GOLM1: variants seen among roughly 807,000 people sequenced by gnomAD.
GOLM1 encodes golgi membrane protein 1.
A neutral mutation model predicts 50.5 loss-of-function variants in GOLM1; 31 were observed. The ratio of observed to expected loss-of-function variants is 0.61; its 90% CI spans 0.46 to 0.83. The LOEUF is 0.83. Among genes scored for constraint, GOLM1 ranks in the 40% least tolerant of loss-of-function variants. GOLM1 has a pLI of 0.00. For missense variants in GOLM1, 491 were observed against 501.3 expected, an observed-to-expected ratio of 0.98 and a Z score of 0.20; for synonymous variants, 178 against 192.8, an observed-to-expected ratio of 0.92 and a Z score of 0.64.
rs747202057 is a variant in GOLM1 at position 86,035,352 on chromosome 9, G to A, written c.1015+16C>T. The A allele has an allele frequency of 8.7e-6, 14 of 1,610,572 alleles. No individual in the cohort carries two copies. The Admixed American group carries it at 1.0e-4, about 12-fold the overall frequency. ...TGGAAGGGAGTCCACAGCGGCCCCC[G>A]AAACTTCACACCCACCTTCCCCGGC... On this transcript the variant is annotated intron_variant, in intron 8 of 9. Coordinates refer to ENST00000388712, the MANE Select transcript of GOLM1 (RefSeq NM_016548.4).
At chr9:86,063,768 C>T (rs151208025) in intron 3 of GOLM1, among the ~76,000 whole-genome samples, 498 of 152,316 alleles carry the variant, frequency 3.3e-3, no homozygotes, top group African/African-American at 0.011. Context: ...CCAAAGCCTC[C>T]GTTACGCCTT....
At chr9:86,044,260 C>T (rs1026708001) in intron 5 of GOLM1, among the ~76,000 whole-genome samples, 2 of 152,218 alleles carry the variant, frequency 1.3e-5, no homozygotes, top group Admixed American at 6.5e-5. Context: ...GAATAAGATT[C>T]CACACACAAG....
At chr9:86,056,501 TA>T (rs530650572) in intron 3 of GOLM1, among the ~76,000 whole-genome samples, 1 of 83,730 alleles carries the variant, frequency 1.2e-5, no homozygotes, top group Admixed American at 9.7e-5. Flanking sequence ...ATTTTTTATT[TA>T]AATTTTTTTT....
intron 1 of GOLM1, among the ~76,000 whole-genome samples, chr9:86,088,467 A>C (rs1472173130): frequency 8.7e-6 from 1 of 115,422 alleles, no homozygotes; most frequent in African/African-American, 4.1e-5. Flanking sequence ...TTTAGGATAG[A>C]TAGGTCTTCT....
intron 7 of GOLM1, 72 bp downstream of exon 7, chr9:86,036,276 G>C: frequency 6.6e-7 from 1 of 1,508,912 alleles, no homozygotes; most frequent in South Asian, 1.1e-5. Flanking sequence ...TGCCTCAGCA[G>C]CTCGCTGGGA....
chr9:86,085,307 G>A (rs10780745), intron 1 of GOLM1, among the ~76,000 whole-genome samples: 108,542 of 151,968 alleles, frequency 0.71, 39,403 homozygotes, highest in East Asian at 0.84. Context: ...TTTTTGCCCA[G>A]TTTTAAACTG....
chr9:86,064,891 G>T (rs1834263766), intron 3 of GOLM1, among the ~76,000 whole-genome samples: 1 of 152,184 alleles, frequency 6.6e-6, no homozygotes, highest in Non-Finnish European at 1.5e-5. Context: ...AACCACAAAG[G>T]CTCGGAAGCT....
intron 3 of GOLM1, among the ~76,000 whole-genome samples, chr9:86,070,935 A>C (rs1466426660): frequency 6.6e-6 from 1 of 152,234 alleles, no homozygotes; most frequent in Non-Finnish European, 1.5e-5. Flanking sequence ...GCAACAGCTA[A>C]TAAAAATGAG....
intron 8 of GOLM1, among the ~76,000 whole-genome samples, chr9:86,033,972 T>A (rs893756758): frequency 3.3e-5 from 5 of 151,556 alleles, no homozygotes; most frequent in African/African-American, 1.2e-4. Context: ...AATCTTTTTT[T>A]TTTTTTTTTT....
intron 4 of GOLM1, among the ~76,000 whole-genome samples, chr9:86,048,657 G>C (rs1833637014): frequency 6.6e-6 from 1 of 152,144 alleles, no homozygotes; most frequent in African/African-American, 2.4e-5. Flanking sequence ...GTGTCTGTTG[G>C]CTGCATAAAC....
intron 3 of GOLM1, among the ~76,000 whole-genome samples, chr9:86,071,289 G>T (rs1834440028): frequency 6.6e-6 from 1 of 152,010 alleles, no homozygotes; most frequent in African/African-American, 2.4e-5. Context: ...GTAGAGACAG[G>T]GTCTCAGTAT....
chr9:86,061,581 G>GCATC (rs1406026134), intron 3 of GOLM1, among the ~76,000 whole-genome samples: 2 of 152,174 alleles, frequency 1.3e-5, no homozygotes, highest in African/African-American at 4.8e-5. Flanking sequence ...TGAGACTGTG[G>GCATC]CATCCGGTTT....
intron 2 of GOLM1, among the ~76,000 whole-genome samples, chr9:86,078,310 C>T (rs1017015449): frequency 4.6e-5 from 7 of 152,146 alleles, no homozygotes; most frequent in African/African-American, 1.7e-4. Flanking sequence ...CTATTCAAAA[C>T]GATTGCAATA....
Position 86,056,509 on chromosome 9 carries a change from T to A in GOLM1, c.310-3918A>T, listed in dbSNP as rs376647444. Among the ~76,000 whole-genome samples the A allele has an allele frequency of 3.5e-5, 5 of 143,200 alleles. 1 individual carries two copies. The highest frequency in any genetic ancestry group is 4.7e-5 in the Non-Finnish European group (3 of 64,008). 93.9% of individuals were successfully genotyped at this position (143,200 alleles called of 152,430 possible). ...TTTATTTATTTTTTATTTAAATTTT[T>A]TTTTTTTTTTTTTTTGAGACGAAGT... On this transcript the variant is annotated intron_variant, in intron 3 of 9. Coordinates refer to ENST00000388712, the MANE Select transcript of GOLM1 (RefSeq NM_016548.4).
intron 3 of GOLM1, among the ~76,000 whole-genome samples, chr9:86,058,673 G>C (rs1258151011): frequency 7.8e-6 from 1 of 127,584 alleles, no homozygotes; most frequent in Non-Finnish European, 1.6e-5. Flanking sequence ...TCCAGACTGG[G>C]CAACAGAGCA....
chr9:86,037,244 A>G (rs548077088), intron 6 of GOLM1, among the ~76,000 whole-genome samples: 1 of 152,172 alleles, frequency 6.6e-6, no homozygotes, highest in African/African-American at 2.4e-5. Context: ...GTGAAACCCC[A>G]TCTCTACTAA....
chr9:86,062,000 G>C (rs1378785921), intron 3 of GOLM1, among the ~76,000 whole-genome samples: 2 of 151,862 alleles, frequency 1.3e-5, no homozygotes, highest in Non-Finnish European at 2.9e-5. Context: ...GGCGTCGGGA[G>C]ATTAAGTGTA....
At chr9:86,032,450 A>G (rs1587693062) in intron 9 of GOLM1, among the ~76,000 whole-genome samples, 1 of 152,008 alleles carries the variant, frequency 6.6e-6, no homozygotes, top group Non-Finnish European at 1.5e-5. Context: ...TACAGGTGTG[A>G]GCCACCACAC....
At chr9:86,087,982 T>C (rs552158890) in intron 1 of GOLM1, among the ~76,000 whole-genome samples, 1 of 152,332 alleles carries the variant, frequency 6.6e-6, no homozygotes, top group African/African-American at 2.4e-5. Context: ...GTCCCTCTTT[T>C]TCTATTGTTT....
Sources: gnomAD v4.1 joint callset for allele counts (sites outside exome capture counted in the v4.1 genomes callset) on GRCh38, gnomAD v4.1.1 for gene constraint, MANE v1.5 for transcripts, NCBI Gene and HGNC (gene_info 2026-07-23, HGNC 2026-07-21) for gene names.